ADAMTSL2: variants seen among roughly 807,000 people sequenced by gnomAD.
ADAMTSL2 encodes ADAMTS like 2.
ADAMTSL2 carries 55 observed loss-of-function variants against 117.0 expected under a neutral mutation model. The observed-to-expected ratio is 0.47, with a 90% CI of 0.38 to 0.59. The LOEUF (loss-of-function observed/expected upper bound fraction) is 0.59, where lower values mean the gene tolerates loss of function less well. ADAMTSL2 is among the 20% of genes least tolerant of loss of function. The pLI, the probability that ADAMTSL2 is intolerant of heterozygous loss-of-function variation, is 0.00. For missense variants in ADAMTSL2, 1,182 were observed against 1,354.5 expected (o/e 0.87, Z 2.00); for synonymous variants, 572 against 566.4 (o/e 1.01, Z -0.14).
chr9:133,553,854 G>A (rs992114111), intron 9 of ADAMTSL2, among the ~76,000 whole-genome samples: 4 of 152,210 alleles, frequency 2.6e-5, no homozygotes, highest in African/African-American at 4.8e-5. Flanking sequence ...GCCCTGGAGC[G>A]GGGATGAGCC....
chr9:133,541,132 C>T (rs1031884460), intron 7 of ADAMTSL2, 131 bp downstream of exon 7: 2 of 1,373,740 alleles, frequency 1.5e-6, no homozygotes, highest in Non-Finnish European at 2.0e-6. Flanking sequence ...CCTGATTCAG[C>T]ATCCCAGGCC....
chr9:133,568,152 G>A (rs1831018432), intron 13 of ADAMTSL2, 121 bp from the exon 14 acceptor site: 1 of 1,024,422 alleles, frequency 9.8e-7, no homozygotes, highest in South Asian at 1.5e-5. Flanking sequence ...AGCTTGTTGT[G>A]TGCGGTTTTG....
intron 8 of ADAMTSL2, among the ~76,000 whole-genome samples, chr9:133,545,429 G>A (rs1343836626): frequency 6.6e-6 from 1 of 152,206 alleles, no homozygotes; most frequent in Admixed American, 6.5e-5. Flanking sequence ...AGGCTTTGCT[G>A]AAGGTCTTCA....
At chr9:133,551,309 C>T (rs1830478086) in intron 9 of ADAMTSL2, among the ~76,000 whole-genome samples, 1 of 152,166 alleles carries the variant, frequency 6.6e-6, no homozygotes, top group Non-Finnish European at 1.5e-5. Context: ...CCCCCACACA[C>T]AGCCATAGCT....
intron 13 of ADAMTSL2, among the ~76,000 whole-genome samples, chr9:133,567,498 G>A (rs1831002245): frequency 6.6e-6 from 1 of 152,190 alleles, no homozygotes; most frequent in Non-Finnish European, 1.5e-5. Context: ...TGTGGATGCA[G>A]TCAGTCTGAG....
intron 9 of ADAMTSL2, among the ~76,000 whole-genome samples, chr9:133,547,416 C>G (rs1486253558): frequency 6.6e-6 from 1 of 152,260 alleles, no homozygotes; most frequent in Non-Finnish European, 1.5e-5. Flanking sequence ...AACTCCCTCC[C>G]CCATTCATTC....
intron 9 of ADAMTSL2, 142 bp downstream of exon 9, chr9:133,547,355 G>T: frequency 1.3e-6 from 1 of 768,108 alleles, no homozygotes; most frequent in East Asian, 2.5e-5. Context: ...ACTCTGCGTG[G>T]GCTGGGGCTT....
intron 9 of ADAMTSL2, among the ~76,000 whole-genome samples, chr9:133,550,066 C>T (rs1239071245): frequency 6.6e-6 from 1 of 152,230 alleles, no homozygotes; most frequent in Non-Finnish European, 1.5e-5. Flanking sequence ...CATCCAAGAC[C>T]CTTGCACCCA....
intron 7 of ADAMTSL2, among the ~76,000 whole-genome samples, chr9:133,541,571 G>A (rs1830224768): frequency 6.6e-6 from 1 of 152,200 alleles, no homozygotes; most frequent in Non-Finnish European, 1.5e-5. Context: ...TTATAGGCAT[G>A]AGCCACCATA....
rs970222661 is a variant in ADAMTSL2 at position 133,536,559 on chromosome 9, A to G, written c.-150-4A>G. The stretch of plus-strand genomic sequence containing the variant: ...TGAGGCGGGGGGTTCATCCTTCCCA[A>G]CAGGGTCTGCCAGACAACCACGACC... On this transcript the variant is annotated splice_region_variant and splice_polypyrimidine_tract_variant and intron_variant, in intron 1 of 18. Transcript: ENST00000651351. 1.4e-5 allele frequency: 22 copies of G among 1,565,644 alleles called. No individual in the cohort carries two copies. Among genetic ancestry groups the G allele is most frequent in the African/African-American group, 8.1e-5 (6 of 73,926 alleles).
At chr9:133,535,480 G>A (rs1485605678) in intron 1 of ADAMTSL2, among the ~76,000 whole-genome samples, 1 of 152,136 alleles carries the variant, frequency 6.6e-6, no homozygotes, top group African/African-American at 2.4e-5. Flanking sequence ...AGTGGCCCCT[G>A]AAAATCTGCA....
At chr9:133,547,001 G>C in intron 8 of ADAMTSL2, 37 bp from the exon 9 acceptor site, 1 of 1,611,256 alleles carries the variant, frequency 6.2e-7, no homozygotes, top group Non-Finnish European at 8.5e-7. Flanking sequence ...CCCCCAGCCA[G>C]TTTGGCCTTT....
At chr9:133,534,632 C>G (rs932868552), upstream of ADAMTSL2, 3 of 1,290,022 alleles carry the variant, frequency 2.3e-6, no homozygotes, top group African/African-American at 4.6e-5. Context: ...GGGGAGCGGC[C>G]TGGTGGGAAG....
rs957303206 is a variant in ADAMTSL2, at chr9:133,561,234, C to T, written c.1686C>T (p.Pro562=). The T allele has an allele frequency of 7.5e-6, 12 of 1,608,436 alleles. No individual in the cohort carries two copies. The highest frequency in any genetic ancestry group is 6.7e-5 in the Admixed American group (4 of 59,550). Residue 562 remains proline (P), a synonymous_variant, in exon 12 of 19, where the codon CCC becomes CCT. Coordinates refer to ENST00000651351, the MANE Select transcript of ADAMTSL2 (RefSeq NM_014694.4). The part of the protein sequence containing the change: ...RPKARKQGVS[P]ADMYRWKLSS... Reference sequence around the variant, plus strand: ...AGGCGCGCAAGCAAGGCGTGAGTCCCGCGGACATGTACCGGTGGAAGCTCT... The same window carrying T: ...AGGCGCGCAAGCAAGGCGTGAGTCCTGCGGACATGTACCGGTGGAAGCTCT...
In ADAMTSL2 at chr9:133,555,623, G is replaced by A. The variant is rs1033940610; in HGVS notation, c.1342G>A (p.Ala448Thr). The change falls in exon 11 of 19, where the codon GCC (alanine) becomes ACC (threonine). Residue 448 changes from alanine to threonine, a missense_variant. This residue lies in a region of ADAMTSL2 where 345 missense variants were observed against 325.8 expected (regional missense o/e 1.06). Coordinates refer to ENST00000651351, the MANE Select transcript of ADAMTSL2 (RefSeq NM_014694.4). ...TGACGAAGAGGTTGACACCCACTTC[G>A]CCTCCCAGGAGTTCTTCTCGGCTAA... is the stretch of plus-strand genomic sequence containing the variant. ...KDDEEVDTHF[A>T]SQEFFSANAI... The A allele has an allele frequency of 8.1e-5, 131 of 1,613,334 alleles. No individual in the cohort carries two copies. The highest frequency in any genetic ancestry group is 4.2e-4 in the East Asian group (19 of 44,896).
At chr9:133,568,248 T>C (rs1369329952) in intron 13 of ADAMTSL2, 25 bp from the exon 14 acceptor site, 2 of 1,547,942 alleles carry the variant, frequency 1.3e-6, no homozygotes, top group Non-Finnish European at 1.7e-6. Context: ...GGGGGATCAT[T>C]GAAGGCCATC....
chr9:133,540,561 C>G, intron 5 of ADAMTSL2, 37 bp from the exon 6 acceptor site: 10 of 1,610,968 alleles, frequency 6.2e-6, no homozygotes, highest in Non-Finnish European at 8.5e-6. Flanking sequence ...CATTTCCTGC[C>G]CCGCTGAAAC....
intron 7 of ADAMTSL2, among the ~76,000 whole-genome samples, chr9:133,543,177 T>C (rs891025345): frequency 6.6e-6 from 1 of 152,148 alleles, no homozygotes; most frequent in Non-Finnish European, 1.5e-5. Flanking sequence ...GGTCTCGAAC[T>C]CCTGACCTCA....
intron 9 of ADAMTSL2, among the ~76,000 whole-genome samples, chr9:133,551,767 C>A (rs1229370762): frequency 2.0e-5 from 3 of 151,394 alleles, no homozygotes; most frequent in Non-Finnish European, 4.4e-5. Flanking sequence ...CAGCCTGGAC[C>A]TGCTGCAGGG....
Sources: gnomAD v4.1 joint callset for allele counts (sites outside exome capture counted in the v4.1 genomes callset) on GRCh38, gnomAD v4.1.1 for gene constraint, gnomAD v4.1.1 regional missense constraint, MANE v1.5 for transcripts, NCBI Gene and HGNC (gene_info 2026-07-23, HGNC 2026-07-21) for gene names.